The following PKN2 variants were observed in gnomAD, a reference collection of about 807,000 sequenced individuals.
The protein encoded by PKN2 is protein kinase N2.
A neutral mutation model predicts 119.1 loss-of-function variants in PKN2; 38 were observed. The observed-to-expected ratio is 0.32, with a 90% CI of 0.25 to 0.42. The LOEUF is 0.42. Among genes scored for constraint, PKN2 ranks in the 10% least tolerant of loss-of-function variants. PKN2 has a pLI of 1.00. For synonymous variants in PKN2, 390 were observed against 384.9 expected (o/e 1.01, Z -0.15); for missense variants, 850 against 1,165.1 (o/e 0.73, Z 3.94).
intron 3 of PKN2, among the ~76,000 whole-genome samples, chr1:88,767,924 A>G (rs1310182231): frequency 6.6e-6 from 1 of 152,212 alleles, no homozygotes; most frequent in Non-Finnish European, 1.5e-5. Context: ...GCCGTCATCA[A>G]GCGTGTCTCT....
At chr1:88,709,773 TAA>T (rs1195403423) in intron 1 of PKN2, among the ~76,000 whole-genome samples, 1 of 152,030 alleles carries the variant, frequency 6.6e-6, no homozygotes, top group Non-Finnish European at 1.5e-5. Flanking sequence ...ACAAGAACCT[TAA>T]AAAAAATTAT....
intron 1 of PKN2, 180 bp downstream of exon 1, chr1:88,684,808 A>G: frequency 1.9e-6 from 1 of 524,768 alleles, no homozygotes; most frequent in Non-Finnish European, 3.3e-6. Flanking sequence ...GGGGAGCCGG[A>G]CCCTCTCCCC....
chr1:88,779,985 T>C (rs1670269495), intron 6 of PKN2, among the ~76,000 whole-genome samples: 1 of 152,198 alleles, frequency 6.6e-6, no homozygotes, highest in African/African-American at 2.4e-5. Flanking sequence ...GACTACTAGC[T>C]CAAGGTAGTT....
intron 16 of PKN2, among the ~76,000 whole-genome samples, chr1:88,819,227 A>C (rs911431137): frequency 6.6e-6 from 1 of 152,178 alleles, no homozygotes; most frequent in African/African-American, 2.4e-5. Flanking sequence ...CTGTCGTCAG[A>C]GTGAACAGGC....
chr1:88,814,741 A>G (rs1432218615), intron 16 of PKN2, among the ~76,000 whole-genome samples: 1 of 150,524 alleles, frequency 6.6e-6, no homozygotes, highest in Non-Finnish European at 1.5e-5. Context: ...TTCAACACTC[A>G]AACTATTAGC....
chr1:88,832,940 G>A, intron 20 of PKN2, 89 bp downstream of exon 20: 2 of 1,202,588 alleles, frequency 1.7e-6, no homozygotes, highest in Non-Finnish European at 1.2e-6. Flanking sequence ...TTTAAAAGCT[G>A]TTTTTCAGTT....
chr1:88,821,507 C>T (rs1359471251), intron 16 of PKN2, among the ~76,000 whole-genome samples: 2 of 152,164 alleles, frequency 1.3e-5, no homozygotes, highest in African/African-American at 4.8e-5. Context: ...CTACTTCGTC[C>T]CCAGATACAC....
intron 1 of PKN2, among the ~76,000 whole-genome samples, chr1:88,740,179 A>G (rs1252179528): frequency 2.0e-5 from 3 of 152,166 alleles, no homozygotes; most frequent in South Asian, 2.1e-4. Context: ...AGATTGTGGT[A>G]TATGTGGGAT....
In PKN2 at chr1:88,835,746, T is replaced by C. The variant is rs141492534; in HGVS notation, c.*2298T>C. On this transcript the variant is annotated 3_prime_UTR_variant, in exon 22 of 22. Transcript: ENST00000370521. ...GTCATTCTAAGAAAACAAGTGTTTTTTGCAGTCATAAATTATCACAAATGC... is the reference window on the plus strand; with the variant it reads ...GTCATTCTAAGAAAACAAGTGTTTTCTGCAGTCATAAATTATCACAAATGC... The C allele has an allele frequency of 2.6e-5, 4 of 152,486 alleles. No individual in the cohort carries two copies. Among genetic ancestry groups the C allele is most frequent in the African/African-American group, 9.6e-5 (4 of 41,522 alleles). 9.4% of individuals were successfully genotyped at this position (152,486 alleles called of 1,614,324 possible).
At chr1:88,743,670 G>A (rs1668659685) in intron 2 of PKN2, among the ~76,000 whole-genome samples, 1 of 152,030 alleles carries the variant, frequency 6.6e-6, no homozygotes, top group South Asian at 2.1e-4. Flanking sequence ...TATTTTCAAG[G>A]CTTATTACAG....
chr1:88,717,289 C>G (rs888641146), intron 1 of PKN2, among the ~76,000 whole-genome samples: 1 of 152,052 alleles, frequency 6.6e-6, no homozygotes, highest in East Asian at 1.9e-4. Context: ...TTGCTCTTCT[C>G]GAGGAGTATC....
chr1:88,729,727 A>G (rs957804683), intron 1 of PKN2, among the ~76,000 whole-genome samples: 5 of 152,306 alleles, frequency 3.3e-5, no homozygotes, highest in South Asian at 2.1e-4. Flanking sequence ...CTCAGAGTCC[A>G]TGTGGAAGGG....
intron 1 of PKN2, among the ~76,000 whole-genome samples, chr1:88,731,061 A>G (rs1668128129): frequency 6.6e-6 from 1 of 152,208 alleles, no homozygotes; most frequent in African/African-American, 2.4e-5. Flanking sequence ...GTCTTCTTTA[A>G]TAAATTGAAT....
intron 18 of PKN2, 131 bp from the exon 19 acceptor site, chr1:88,828,350 G>C: frequency 1.5e-6 from 1 of 671,186 alleles, no homozygotes; most frequent in South Asian, 2.1e-5. Flanking sequence ...AAATGTCTTA[G>C]ATATGTCTGA....
At chr1:88,817,702 C>G (rs1672059368) in intron 16 of PKN2, among the ~76,000 whole-genome samples, 1 of 116,988 alleles carries the variant, frequency 8.5e-6, no homozygotes, top group African/African-American at 3.4e-5. Context: ...AAGCGAGACT[C>G]CGTCTCAAAA....
chr1:88,755,525 G>T (rs1406535402), intron 2 of PKN2, among the ~76,000 whole-genome samples: 2 of 152,058 alleles, frequency 1.3e-5, no homozygotes, highest in Non-Finnish European at 2.9e-5. Context: ...AAGTTACATT[G>T]CAAACCTTTA....
chr1:88,715,709 G>A (rs372351879), intron 1 of PKN2, among the ~76,000 whole-genome samples: 58 of 152,074 alleles, frequency 3.8e-4, no homozygotes, highest in East Asian at 3.3e-3. Context: ...TCTTGCTAGC[G>A]GTCCATCAAT....
intron 1 of PKN2, among the ~76,000 whole-genome samples, chr1:88,699,367 G>C (rs570383534): frequency 2.0e-5 from 3 of 151,604 alleles, no homozygotes; most frequent in African/African-American, 4.8e-5. Flanking sequence ...TTTTTTTTGC[G>C]TATAGGCTAG....
chr1:88,798,040 G>A (rs965520849), intron 8 of PKN2, among the ~76,000 whole-genome samples: 27 of 151,954 alleles, frequency 1.8e-4, no homozygotes, highest in African/African-American at 6.3e-4. Flanking sequence ...GCCAAAGAAT[G>A]CAAAAGCACC....
Sources: allele counts gnomAD v4.1 joint callset (sites outside exome capture counted in the v4.1 genomes callset), GRCh38; gene constraint gnomAD v4.1.1; transcripts MANE v1.5; gene names NCBI Gene and HGNC (gene_info 2026-07-23, HGNC 2026-07-21).